Variants in URB1 observed in about 807,000 individuals in gnomAD.
URB1 encodes the protein nucleolar pre-ribosomal-associated protein 1.
URB1 carries 197 observed loss-of-function variants against 242.3 expected under a neutral mutation model. The ratio of observed to expected loss-of-function variants is 0.81; its 90% CI spans 0.72 to 0.91. The LOEUF is 0.91. Among genes scored for constraint, URB1 ranks in the 40% least tolerant of loss-of-function variants. The pLI is 0.00. For missense variants in URB1, 2,721 were observed against 2,860.5 expected, an observed-to-expected ratio of 0.95 and a Z score of 1.11; for synonymous variants, 1,153 against 1,201.8, an observed-to-expected ratio of 0.96 and a Z score of 0.84.
At chr21:32,330,648 A>G (rs1429061051) in intron 30 of URB1, among the ~76,000 whole-genome samples, 2 of 152,220 alleles carry the variant, frequency 1.3e-5, no homozygotes, top group African/African-American at 2.4e-5. Context: ...TAGAGTATGG[A>G]AACTTTATTT....
chr21:32,369,616 C>G (rs1022390852), intron 8 of URB1, among the ~76,000 whole-genome samples: 31 of 152,122 alleles, frequency 2.0e-4, no homozygotes, highest in African/African-American at 6.8e-4. Context: ...CACACCACCA[C>G]ATCTGGAAAT....
In URB1 at chr21:32,347,683, G is replaced by C. The variant is rs2033108281; in HGVS notation, c.3141C>G (p.His1047Gln). Reference protein sequence around the residue: ...SPVLVKLLATHFSAGVLQLLA... With the variant: ...SPVLVKLLATQFSAGVLQLLA... ...GCAGCTGAAGGACCCCTGCACTAAA[G>C]TGGGTGGCCAGGAGCTTCACGAGGA... Residue 1047 changes from histidine (H) to glutamine (Q), a missense_variant, in exon 22 of 39, where the codon CAC becomes CAG. By Grantham distance (24) the His-to-Gln change is conservative. Coordinates refer to ENST00000382751, the MANE Select transcript of URB1 (RefSeq NM_014825.3). 1.3e-6 allele frequency: 2 copies of C among 1,551,520 alleles called. No homozygotes were observed. Among genetic ancestry groups the C allele is most frequent in the Non-Finnish European group, 8.7e-7 (1 of 1,147,012 alleles).
intron 1 of URB1, among the ~76,000 whole-genome samples, chr21:32,392,448 G>C (rs1464628591): frequency 6.6e-6 from 1 of 152,182 alleles, no homozygotes; most frequent in Non-Finnish European, 1.5e-5. Context: ...ACTCAATAGA[G>C]AAGGACACTT....
At chr21:32,373,585 C>A in intron 7 of URB1, 62 bp downstream of exon 7, 1 of 1,494,390 alleles carries the variant, frequency 6.7e-7, no homozygotes, top group Non-Finnish European at 8.9e-7. Flanking sequence ...AATTCTCCCT[C>A]TCCCAACCCT....
At chr21:32,346,688 C>T (rs977005628) in intron 22 of URB1, among the ~76,000 whole-genome samples, 7 of 152,164 alleles carry the variant, frequency 4.6e-5, no homozygotes, top group South Asian at 2.1e-4. Flanking sequence ...CTACTGTACC[C>T]AACTCCCGCC....
intron 1 of URB1, among the ~76,000 whole-genome samples, chr21:32,387,856 C>T (rs1200469304): frequency 2.0e-5 from 3 of 152,178 alleles, no homozygotes; most frequent in Non-Finnish European, 1.5e-5. Flanking sequence ...TCACCCTAGT[C>T]AGCACCTCTG....
At chr21:32,373,581 C>T (rs2033428106) in intron 7 of URB1, 66 bp downstream of exon 7, 1 of 1,472,824 alleles carries the variant, frequency 6.8e-7, no homozygotes. Context: ...TGAGAATTCT[C>T]CCTCTCCCAA....
At chr21:32,384,561 T>C in intron 2 of URB1, 97 bp from the exon 3 acceptor site, 6 of 1,443,876 alleles carry the variant, frequency 4.2e-6, no homozygotes, top group Non-Finnish European at 3.7e-6. Context: ...ACTTGTAGGC[T>C]TAAAGCCTTC....
rs551165752 is a variant in URB1 at position 32,340,218 on chromosome 21, G to A, written c.4316+1248C>T. On this transcript the variant is annotated intron_variant, in intron 25 of 38. Transcript: ENST00000382751. ...GGATGGTCAGGGAAATGAAAATAAT[G>A]CATGACTATCTGATTGCCCCAAACT... Among the ~76,000 whole-genome samples the A allele has an allele frequency of 3.9e-5, 6 of 152,264 alleles. No individual in the cohort carries two copies. In the East Asian group the frequency reaches 9.7e-4, roughly 25 times the overall value.
At chr21:32,386,464 C>T (rs893136552) in intron 1 of URB1, among the ~76,000 whole-genome samples, 5 of 152,222 alleles carry the variant, frequency 3.3e-5, no homozygotes, top group Non-Finnish European at 5.9e-5. Context: ...ATAAATTCCT[C>T]TTGTTTAAGC....
At chr21:32,341,792 T>C (rs763149305) in intron 24 of URB1, among the ~76,000 whole-genome samples, 1 of 152,200 alleles carries the variant, frequency 6.6e-6, no homozygotes, top group Non-Finnish European at 1.5e-5. Flanking sequence ...AATTTATTAA[T>C]GTGCGTGGGA....
At chr21:32,320,474 C>T (rs895207621) in intron 35 of URB1, 57 bp downstream of exon 35, 3 of 1,297,360 alleles carry the variant, frequency 2.3e-6, no homozygotes, top group African/African-American at 1.5e-5. Flanking sequence ...CAGACGTCAT[C>T]GTTTCTGTTC....
intron 38 of URB1, 86 bp downstream of exon 38, chr21:32,316,380 A>G (rs2032685406): frequency 6.9e-7 from 1 of 1,440,014 alleles, no homozygotes; most frequent in Non-Finnish European, 9.1e-7. Context: ...CAGAAACCTG[A>G]GTGTTCTAAG....
At position 32,322,510 on chromosome 21, in the gene URB1, A is replaced by G; in HGVS notation, c.5308T>C (p.Phe1770Leu). The G allele has an allele frequency of 6.4e-7, 1 of 1,552,360 alleles. No homozygotes were observed. The highest frequency in any genetic ancestry group is 8.7e-7 in the Non-Finnish European group (1 of 1,147,134). ...TCGGAGCTGTAGAAGAACTGGTAGA[A>G]GCCTGGCACTTTGTCCATGTTCAAG... is the stretch of plus-strand genomic sequence containing the variant. ...EYLNMDKVPG[F>L]YQFFYSSDFE... Residue 1770 changes from phenylalanine (F) to leucine (L), a missense_variant, in exon 33 of 39, where the codon TTC (phenylalanine) becomes CTC (leucine). Phe to Leu is a conservative substitution (Grantham distance 22). Coordinates refer to ENST00000382751, the MANE Select transcript of URB1 (RefSeq NM_014825.3).
At chr21:32,333,900 T>C (rs1238107965) in intron 29 of URB1, among the ~76,000 whole-genome samples, 4 of 152,186 alleles carry the variant, frequency 2.6e-5, no homozygotes, top group South Asian at 4.1e-4. Flanking sequence ...CATGAAATGA[T>C]AGGATCCTTG....
chr21:32,388,495 T>C (rs1303302005), intron 1 of URB1, among the ~76,000 whole-genome samples: 2 of 152,190 alleles, frequency 1.3e-5, no homozygotes, highest in East Asian at 3.9e-4. Context: ...CCTTTAACAG[T>C]CACTGAGCAA....
chr21:32,353,043 G>A, intron 18 of URB1, 137 bp from the exon 19 acceptor site: 1 of 880,762 alleles, frequency 1.1e-6, no homozygotes, highest in Non-Finnish European at 1.7e-6. Flanking sequence ...CATAACCACA[G>A]GGAAGGAATT....
Position 32,347,125 on chromosome 21 carries a change from G to C in URB1, c.3699C>G (p.Ile1233Met). 2.6e-6 allele frequency: 4 copies of C among 1,549,334 alleles called. No individual in the cohort carries two copies. The highest frequency in any genetic ancestry group is 3.5e-6 in the Non-Finnish European group (4 of 1,146,360). ...LARRTQAALS[I>M]AALLLQESCT... ...AGCTCTCCTGGAGGAGCAGGGCAGC[G>C]ATGCTGAGGGCCGCCTGTGTGCGCC... Residue 1233 changes from isoleucine (I) to methionine (M), a missense_variant, in exon 22 of 39, where the codon ATC (isoleucine) becomes ATG (methionine). By Grantham distance (10) the Ile-to-Met change is conservative. Transcript: ENST00000382751.
At position 32,314,801 on chromosome 21, in the gene URB1, C is replaced by T; in HGVS notation, c.*117G>A. On this transcript the variant is annotated 3_prime_UTR_variant, in exon 39 of 39. Coordinates refer to ENST00000382751, the MANE Select transcript of URB1 (RefSeq NM_014825.3). ...CTTGTCAAAGAACTGAGCCAATGTACTGAACCTGTTGTTTCCCATGCCTTC... is the reference window on the plus strand; with the variant it reads ...CTTGTCAAAGAACTGAGCCAATGTATTGAACCTGTTGTTTCCCATGCCTTC... 1 of 1,464,212 alleles carries T rather than the reference C, an allele frequency of 6.8e-7. No individual in the cohort carries two copies. The highest frequency in any genetic ancestry group is 9.3e-7 in the Non-Finnish European group (1 of 1,080,116). 90.7% of individuals were successfully genotyped at this position (1,464,212 alleles called of 1,614,324 possible).
Sources: allele counts gnomAD v4.1 joint callset (sites outside exome capture counted in the v4.1 genomes callset), GRCh38; gene constraint gnomAD v4.1.1; transcripts MANE v1.5; gene names NCBI Gene and HGNC (gene_info 2026-07-23, HGNC 2026-07-21).